The following SEC24A variants were observed in gnomAD, a reference collection of about 807,000 sequenced individuals.
SEC24A encodes SEC24 homolog A, COPII component, also known as protein transport protein Sec24A.
In SEC24A, 93 loss-of-function variants were observed where a neutral mutation model predicts 129.4. That is an observed-to-expected ratio of 0.72 (90% confidence interval 0.61 to 0.85). The LOEUF (loss-of-function observed/expected upper bound fraction) is 0.85, where lower values mean the gene tolerates loss of function less well. SEC24A is among the 40% of genes least tolerant of loss of function. The pLI, the probability that SEC24A is intolerant of heterozygous loss-of-function variation, is 0.00. For synonymous variants in SEC24A, 460 were observed against 467.3 expected (o/e 0.98, Z 0.20); for missense variants, 1,264 against 1,307.4 (o/e 0.97, Z 0.51).
chr5:134,718,459 C>T (rs1026522630), intron 20 of SEC24A, among the ~76,000 whole-genome samples: 1 of 151,824 alleles, frequency 6.6e-6, no homozygotes, highest in Non-Finnish European at 1.5e-5. Context: ...AAAAGTTAAC[C>T]TTAGGCGGGT....
intron 15 of SEC24A, chr5:134,701,075 G>C (rs1751994268): frequency 6.6e-6 from 1 of 150,650 alleles, no homozygotes; most frequent in Non-Finnish European, 1.5e-5. Flanking sequence ...TCGAACTCCT[G>C]ATGTCAAGTG....
At chr5:134,702,803 C>T (rs1015800359) in intron 15 of SEC24A, among the ~76,000 whole-genome samples, 6 of 152,086 alleles carry the variant, frequency 3.9e-5, no homozygotes, top group African/African-American at 1.4e-4. Flanking sequence ...CTCACTCTGT[C>T]ACCTAGGCTG....
At chr5:134,659,594 C>T (rs911563384) in intron 1 of SEC24A, among the ~76,000 whole-genome samples, 2 of 150,968 alleles carry the variant, frequency 1.3e-5, no homozygotes, top group Non-Finnish European at 2.9e-5. Context: ...TACCACAAAA[C>T]AAGTTCTTTT....
chr5:134,693,124 A>AG (rs1207778898), intron 12 of SEC24A: 3 of 1,535,732 alleles, frequency 2.0e-6, no homozygotes, highest in African/African-American at 2.7e-5. Flanking sequence ...ATGTGTCTGA[A>AG]GGGGGGATGT....
chr5:134,709,593 G>A (rs911785312), intron 18 of SEC24A, among the ~76,000 whole-genome samples: 1 of 152,194 alleles, frequency 6.6e-6, no homozygotes, highest in Non-Finnish European at 1.5e-5. Context: ...AAGCAGAATG[G>A]TGGTTACTAG....
intron 2 of SEC24A, among the ~76,000 whole-genome samples, chr5:134,661,821 CTTTT>C (rs70976551): frequency 3.9e-5 from 3 of 77,848 alleles, no homozygotes; most frequent in Admixed American, 1.5e-4. Context: ...TCTTTTTTCT[CTTTT>C]TTTTTTTTTT....
intron 1 of SEC24A, among the ~76,000 whole-genome samples, chr5:134,655,427 G>A (rs951504747): frequency 6.6e-6 from 1 of 152,102 alleles, no homozygotes; most frequent in African/African-American, 2.4e-5. Context: ...AAGGCGGGTG[G>A]ATCACAAGGT....
intron 4 of SEC24A, among the ~76,000 whole-genome samples, chr5:134,673,639 A>G (rs1312145404): frequency 6.6e-6 from 1 of 151,434 alleles, no homozygotes; most frequent in African/African-American, 2.4e-5. Context: ...TGTACTTTTT[A>G]GTAGTGATGG....
At chr5:134,660,716 T>G (rs1750423354) in intron 1 of SEC24A, among the ~76,000 whole-genome samples, 1 of 151,810 alleles carries the variant, frequency 6.6e-6, no homozygotes, top group African/African-American at 2.4e-5. Flanking sequence ...CCATCAAGGC[T>G]GGCTACTTTT....
At position 134,666,912 on chromosome 5, in the gene SEC24A, C is replaced by T. The variant is rs201209495; in HGVS notation, c.655C>T (p.Pro219Ser). ...PHGPPPAGGP[P>S]PVRALTPLTS... ...TGGGCCCCCTCCAGCTGGAGGCCCA[C>T]CCCCAGTGAGGGCCCTCACGCCCCT... Residue 219 changes from proline to serine, a missense_variant, in exon 3 of 23, where the codon CCC becomes TCC. By Grantham distance (74) the Pro-to-Ser change is moderately conservative (BLOSUM62 -1). Coordinates refer to ENST00000398844, the MANE Select transcript of SEC24A (RefSeq NM_021982.3). 1.3e-4 allele frequency: 210 copies of T among 1,613,308 alleles called. No homozygotes were observed. The African/African-American group carries it at 1.7e-3, about 13-fold the overall frequency.
chr5:134,697,902 G>T lies in SEC24A; in HGVS notation c.2111G>T (p.Cys704Phe). The change falls in exon 15 of 23, where the codon TGT (cysteine) becomes TTT (phenylalanine). Residue 704 changes from cysteine (C) to phenylalanine (F), a missense_variant. Transcript: ENST00000398844. Reference protein sequence around the residue: ...GQYSDLASLGCISRYSAGSVY... With the variant: ...GQYSDLASLGFISRYSAGSVY... ...AACAGTGTGTGTTCTCTTCCAGGTT[G>T]TATTTCTCGGTATTCAGCAGGTAGT... The T allele has an allele frequency of 6.2e-7, 1 of 1,610,512 alleles. No individual in the cohort carries two copies. The highest frequency in any genetic ancestry group is 1.7e-5 in the Admixed American group (1 of 58,890).
chr5:134,682,547 C>T (rs1437115532), intron 9 of SEC24A, 65 bp downstream of exon 9: 1 of 785,854 alleles, frequency 1.3e-6, no homozygotes, highest in Non-Finnish European at 2.1e-6. Context: ...TAAAACAATA[C>T]AGCATCCTGT....
At chr5:134,669,649 T>C (rs1377295484) in intron 3 of SEC24A, among the ~76,000 whole-genome samples, 2 of 151,280 alleles carry the variant, frequency 1.3e-5, no homozygotes, top group Non-Finnish European at 2.9e-5. Context: ...CTAATTTTTT[T>C]TGTATTTTTA....
At position 134,688,316 on chromosome 5, in the gene SEC24A, C is replaced by T; in HGVS notation, c.1723+17C>T. 1 of 1,373,510 alleles carries T rather than the reference C, an allele frequency of 7.3e-7. No homozygotes were observed. Among genetic ancestry groups the T allele is most frequent in the Non-Finnish European group, 1.0e-6 (1 of 967,192 alleles). 85.1% of individuals were successfully genotyped at this position (1,373,510 alleles called of 1,614,324 possible). A position where few individuals can be genotyped will look rare whatever the true frequency, so the allele number is the denominator to read the frequency against. ...ATATTGAAGGTATAGATTTATTGAACTACTTTCATAATTTTTCAGTTTTAG... is the reference window on the plus strand; with the variant it reads ...ATATTGAAGGTATAGATTTATTGAATTACTTTCATAATTTTTCAGTTTTAG... On this transcript the variant is annotated intron_variant, in intron 11 of 22. Coordinates refer to ENST00000398844, the MANE Select transcript of SEC24A (RefSeq NM_021982.3).
intron 1 of SEC24A, among the ~76,000 whole-genome samples, chr5:134,652,768 G>T (rs1346258251): frequency 6.6e-6 from 1 of 151,722 alleles, no homozygotes; most frequent in Non-Finnish European, 1.5e-5. Context: ...GGCTGATTTT[G>T]TATTTTGTTT....
chr5:134,655,507 G>T (rs1221501584), intron 1 of SEC24A, among the ~76,000 whole-genome samples: 7 of 151,908 alleles, frequency 4.6e-5, no homozygotes, highest in Non-Finnish European at 1.0e-4. Flanking sequence ...AAATTAGCCG[G>T]GTGTGGTGGC....
rs1749945774 is a variant in SEC24A, at chr5:134,648,843, C to T, written c.-234C>T. On this transcript the variant is annotated 5_prime_UTR_variant, in exon 1 of 23. Coordinates refer to ENST00000398844, the MANE Select transcript of SEC24A (RefSeq NM_021982.3). ...GTTTGGCTGCCGCCTTCTAGCCGGG[C>T]GTTCGCGGCCCCGCCGGCCCGACTC... 1 of 381,638 alleles carries T rather than the reference C, an allele frequency of 2.6e-6. No individual in the cohort carries two copies. Among genetic ancestry groups the T allele is most frequent in the East Asian group, 4.1e-5 (1 of 24,330 alleles). The allele number at this position is 381,638 out of a possible 1,614,324, so 23.6% of individuals were successfully genotyped here.
intron 16 of SEC24A, among the ~76,000 whole-genome samples, chr5:134,704,145 C>T (rs1752085333): frequency 1.3e-5 from 2 of 152,104 alleles, no homozygotes; most frequent in African/African-American, 2.4e-5. Context: ...TCTCTGCTCA[C>T]TGCAACCTCT....
intron 18 of SEC24A, among the ~76,000 whole-genome samples, chr5:134,712,749 G>T (rs1752364891): frequency 6.6e-6 from 1 of 151,486 alleles, no homozygotes; most frequent in South Asian, 2.1e-4. Context: ...CTCCCAAGTA[G>T]CTGGGATTAC....
Sources: allele counts gnomAD v4.1 joint callset (sites outside exome capture counted in the v4.1 genomes callset), GRCh38; gene constraint gnomAD v4.1.1; transcripts MANE v1.5; gene names NCBI Gene and HGNC (gene_info 2026-07-23, HGNC 2026-07-21).